RIMS2: variants seen among roughly 807,000 people sequenced by gnomAD.
The protein encoded by RIMS2 is regulating synaptic membrane exocytosis 2.
Under a neutral mutation model 174.4 loss-of-function variants are expected in RIMS2, and 59 were observed. That is an observed-to-expected ratio of 0.34 (90% CI 0.27 to 0.42). RIMS2 has a LOEUF of 0.42. RIMS2 is among the 10% of genes least tolerant of loss of function. RIMS2 has a pLI of 1.00. For missense variants in RIMS2, 1,620 were observed against 1,666.3 expected, an observed-to-expected ratio of 0.97 and a Z score of 0.48; for synonymous variants, 606 against 572.5, an observed-to-expected ratio of 1.06 and a Z score of -0.84.
chr8:103,628,617 G>C (rs28494061), intron 1 of RIMS2, among the ~76,000 whole-genome samples: 21 of 151,712 alleles, frequency 1.4e-4, no homozygotes, highest in African/African-American at 5.1e-4. Flanking sequence ...GCGTCCCATG[G>C]CTTGGACTCC....
At chr8:103,732,544 CCCTCAAT>C (rs1218235567) in intron 2 of RIMS2, among the ~76,000 whole-genome samples, 2 of 152,150 alleles carry the variant, frequency 1.3e-5, no homozygotes, top group African/African-American at 4.8e-5. Flanking sequence ...TGGTAAGTTT[CCCTCAAT>C]CCTGGGTGGG....
intron 19 of RIMS2, among the ~76,000 whole-genome samples, chr8:104,037,995 G>C (rs1177201257): frequency 6.6e-6 from 1 of 152,004 alleles, no homozygotes; most frequent in Admixed American, 6.5e-5. Context: ...ATGCTGTACA[G>C]GTTTGTAGCC....
chr8:103,915,455 T>G, intron 6 of RIMS2, 40 bp from the exon 10 acceptor site: 1 of 1,244,764 alleles, frequency 8.0e-7, no homozygotes. Context: ...ATGCTCATTT[T>G]AACAATATTC....
intron 1 of RIMS2, among the ~76,000 whole-genome samples, chr8:103,554,532 T>A (rs916923777): frequency 3.3e-5 from 5 of 152,068 alleles, no homozygotes; most frequent in African/African-American, 1.2e-4. Context: ...GGTCAAAGAG[T>A]AACAGATGCT....
chr8:103,868,385 A>G (rs2099093734), intron 3 of RIMS2, among the ~76,000 whole-genome samples: 1 of 152,086 alleles, frequency 6.6e-6, no homozygotes, highest in Non-Finnish European at 1.5e-5. Context: ...AAAAAAATAA[A>G]ATACAATATA....
intron 1 of RIMS2, among the ~76,000 whole-genome samples, chr8:103,667,965 C>A (rs75391497): frequency 0.031 from 4,739 of 152,250 alleles, 224 homozygotes; most frequent in African/African-American, 0.11. Flanking sequence ...GACCAAATCT[C>A]TGAGTTTTAG....
chr8:103,692,165 C>A (rs532164548), intron 1 of RIMS2, among the ~76,000 whole-genome samples: 2 of 152,246 alleles, frequency 1.3e-5, no homozygotes, highest in Non-Finnish European at 2.9e-5. Context: ...TAAAGCCAGC[C>A]CAGCCTTGTG....
intron 1 of RIMS2, among the ~76,000 whole-genome samples, chr8:103,634,266 T>C (rs1298912086): frequency 1.3e-5 from 2 of 152,234 alleles, no homozygotes; most frequent in Non-Finnish European, 2.9e-5. Flanking sequence ...CTGCCTTAAT[T>C]TCGTTATTTA....
chr8:103,939,295 C>A (rs2082006760), intron 13 of RIMS2, among the ~76,000 whole-genome samples: 1 of 152,256 alleles, frequency 6.6e-6, no homozygotes, highest in African/African-American at 2.4e-5. Flanking sequence ...TTCTTGACTT[C>A]TGTGCACCTG....
chr8:104,089,295 C>T (rs1017285626), intron 19 of RIMS2, among the ~76,000 whole-genome samples: 5 of 151,852 alleles, frequency 3.3e-5, no homozygotes, highest in African/African-American at 1.2e-4. Context: ...TACTCACATT[C>T]GTAGCTCATT....
rs116408411 is a variant in RIMS2, at chr8:103,692,844, G to A, written c.177-4242G>A. 3.8e-3 allele frequency among the ~76,000 whole-genome samples: 575 copies of A among 152,292 alleles called. 8 individuals are homozygous for A. The highest frequency in any genetic ancestry group is 0.013 in the African/African-American group (546 of 41,558). ...TGAGCTCTGCTACCTGGGGTTGGGG[G>A]AGGGGTGATGCAAGCACTCCCTTTG... On this transcript the variant is annotated intron_variant, in intron 1 of 23. Transcript: ENST00000504942.
chr8:103,834,774 GTCTT>G (rs762460251), intron 3 of RIMS2, among the ~76,000 whole-genome samples: 7 of 110,392 alleles, frequency 6.3e-5, no homozygotes, highest in East Asian at 2.3e-4. Context: ...CTCTCTTTCT[GTCTT>G]TCTTTCTTTC....
intron 3 of RIMS2, among the ~76,000 whole-genome samples, chr8:103,790,882 T>G (rs1186246208): frequency 6.6e-6 from 1 of 151,488 alleles, no homozygotes; most frequent in Non-Finnish European, 1.5e-5. Flanking sequence ...TGGTGTTAGG[T>G]GAAAAATGAG....
intron 3 of RIMS2, among the ~76,000 whole-genome samples, chr8:103,800,331 T>C (rs1212525679): frequency 6.6e-6 from 1 of 152,226 alleles, no homozygotes; most frequent in African/African-American, 2.4e-5. Context: ...TTTCATTTTT[T>C]TATCCTATTT....
At chr8:103,693,820 C>T (rs1396190933) in intron 1 of RIMS2, among the ~76,000 whole-genome samples, 2 of 152,140 alleles carry the variant, frequency 1.3e-5, no homozygotes, top group Non-Finnish European at 2.9e-5. Context: ...GTCCTCAAAT[C>T]TCTTTCTTTG....
At chr8:103,541,013 T>C (rs550185164) in intron 1 of RIMS2, among the ~76,000 whole-genome samples, 1 of 152,236 alleles carries the variant, frequency 6.6e-6, no homozygotes, top group Admixed American at 6.5e-5. Flanking sequence ...TTATGGGATT[T>C]ATGGGACATC....
intron 2 of RIMS2, among the ~76,000 whole-genome samples, chr8:103,737,768 G>A (rs1421536082): frequency 6.6e-6 from 1 of 151,988 alleles, no homozygotes. Context: ...TCTTATACCT[G>A]GAATGCACTT....
chr8:103,799,658 G>C (rs1488354043), intron 3 of RIMS2, among the ~76,000 whole-genome samples: 1 of 152,152 alleles, frequency 6.6e-6, no homozygotes, highest in African/African-American at 2.4e-5. Flanking sequence ...TGGTGGATAT[G>C]AGGGGGTATT....
intron 19 of RIMS2, 122 bp from the exon 25 acceptor site, chr8:104,148,485 C>A: frequency 1.0e-6 from 1 of 1,000,862 alleles, no homozygotes; most frequent in Non-Finnish European, 1.4e-6. Flanking sequence ...TTTTTTAACT[C>A]CTAAAAATAT....
Sources: gnomAD v4.1 joint callset for allele counts (sites outside exome capture counted in the v4.1 genomes callset) on GRCh38, gnomAD v4.1.1 for gene constraint, MANE v1.5 for transcripts, NCBI Gene and HGNC (gene_info 2026-07-23, HGNC 2026-07-21) for gene names.